MMS19: variants seen among roughly 807,000 people sequenced by gnomAD.
MMS19 encodes MMS19 cytosolic iron-sulfur assembly component, also known as MMS19 nucleotide excision repair protein homolog.
In MMS19, 77 loss-of-function variants were observed where a neutral mutation model predicts 129.8. The observed-to-expected ratio is 0.59, with a 90% CI of 0.49 to 0.72. The LOEUF (loss-of-function observed/expected upper bound fraction) is 0.72, where lower values mean the gene tolerates loss of function less well. MMS19 is among the 30% of genes least tolerant of loss of function. MMS19 has a pLI of 0.00. For synonymous variants in MMS19, 491 were observed against 502.8 expected, an observed-to-expected ratio of 0.98 and a Z score of 0.31; for missense variants, 1,168 against 1,266.3, an observed-to-expected ratio of 0.92 and a Z score of 1.18.
At chr10:97,491,922 C>A (rs1002911198) in intron 1 of MMS19, among the ~76,000 whole-genome samples, 1 of 151,092 alleles carries the variant, frequency 6.6e-6, no homozygotes, top group Non-Finnish European at 1.5e-5. Context: ...GGGTGGATCA[C>A]CTCAGGTCAG....
At chr10:97,461,363 G>C (rs959235373) in intron 23 of MMS19, 133 bp downstream of exon 23, 1 of 1,104,586 alleles carries the variant, frequency 9.1e-7, no homozygotes, top group Admixed American at 2.4e-5. Flanking sequence ...GCAGTCCCAG[G>C]ACAGTGCTTG....
At chr10:97,478,216 T>A (rs999254403) in intron 4 of MMS19, 88 bp downstream of exon 4, 3 of 1,049,966 alleles carry the variant, frequency 2.9e-6, no homozygotes, top group Non-Finnish European at 4.3e-6. Context: ...CTCCTCAGCA[T>A]GTGAACCATC....
intron 4 of MMS19, 73 bp downstream of exon 4, chr10:97,478,231 C>G: frequency 8.1e-7 from 1 of 1,240,220 alleles, no homozygotes. Flanking sequence ...ACCATCACAC[C>G]CAAAGCGCAA....
chr10:97,471,118 G>T (rs948246669), intron 8 of MMS19, among the ~76,000 whole-genome samples: 14 of 152,128 alleles, frequency 9.2e-5, no homozygotes, highest in Admixed American at 9.2e-4. Context: ...TTAACTTTCT[G>T]GTGTATTCCT....
In MMS19 at chr10:97,488,631, T is replaced by C. The variant is rs545140688; in HGVS notation, c.113-4480A>G. ...ATAATACTTAATACAATCTAAGTGC[T>C]ACGCAAATAGTTGTTACATTGTATT... On this transcript the variant is annotated intron_variant, in intron 1 of 30. Transcript: ENST00000438925. Among the ~76,000 whole-genome samples, 5 of 152,264 alleles carry C rather than the reference T, an allele frequency of 3.3e-5. No individual in the cohort carries two copies. In the South Asian group the frequency reaches 1.0e-3, roughly 31 times the overall value.
intron 12 of MMS19, 146 bp from the exon 13 acceptor site, chr10:97,468,552 G>A (rs1013105756): frequency 2.4e-5 from 18 of 735,760 alleles, no homozygotes; most frequent in South Asian, 4.6e-5. Context: ...TAGGGCTATC[G>A]CCCCCAAATC....
At chr10:97,458,759 C>T in intron 30 of MMS19, 40 bp from the exon 31 acceptor site, 1 of 1,613,224 alleles carries the variant, frequency 6.2e-7, no homozygotes, top group Non-Finnish European at 8.5e-7. Context: ...AGTGATGAGG[C>T]TCATCTTGGT....
chr10:97,486,918 A>T (rs1007562681), intron 1 of MMS19, among the ~76,000 whole-genome samples: 36 of 138,524 alleles, frequency 2.6e-4, no homozygotes, highest in African/African-American at 9.0e-4. Flanking sequence ...GCAAGTTGTG[A>T]AAAGGAGTAA....
intron 24 of MMS19, 67 bp downstream of exon 24, chr10:97,460,840 A>G: frequency 6.5e-7 from 1 of 1,531,992 alleles, no homozygotes; most frequent in Non-Finnish European, 8.9e-7. Context: ...AGGGTCAAAC[A>G]GGGACATTTT....
intron 27 of MMS19, 55 bp downstream of exon 27, chr10:97,459,604 A>G (rs2031092355): frequency 6.3e-7 from 1 of 1,599,568 alleles, no homozygotes; most frequent in East Asian, 2.2e-5. Context: ...TTCTAGCCCC[A>G]TCTGGGGAAG....
intron 18 of MMS19, 51 bp downstream of exon 18, chr10:97,465,754 C>A: frequency 6.4e-7 from 1 of 1,563,714 alleles, no homozygotes; most frequent in Non-Finnish European, 8.7e-7. Flanking sequence ...GCCTTAGAGA[C>A]TACAGCTCCC....
At chr10:97,485,296 T>G (rs1033223818) in intron 1 of MMS19, among the ~76,000 whole-genome samples, 2 of 151,808 alleles carry the variant, frequency 1.3e-5, no homozygotes, top group Non-Finnish European at 2.9e-5. Context: ...GCCTGGCTAA[T>G]TTTTGTATTT....
chr10:97,460,595 CAAAA>C (rs2031527965), intron 25 of MMS19, 96 bp downstream of exon 25: 1 of 1,049,714 alleles, frequency 9.5e-7, no homozygotes, highest in Non-Finnish European at 1.4e-6. Flanking sequence ...GAAAAGAAAA[CAAAA>C]AACACACAGG....
chr10:97,466,444 T>C, intron 16 of MMS19, 60 bp downstream of exon 16: 1 of 1,346,600 alleles, frequency 7.4e-7, no homozygotes, highest in South Asian at 1.2e-5. Context: ...AGCTTGATCT[T>C]TTGCTGCCAA....
intron 8 of MMS19, among the ~76,000 whole-genome samples, chr10:97,472,273 CTT>C (rs1564651957): frequency 6.6e-6 from 1 of 152,238 alleles, no homozygotes; most frequent in Non-Finnish European, 1.5e-5. Flanking sequence ...GAGTTTTGCT[CTT>C]GTTACACAAG....
chr10:97,470,140 G>A lies in MMS19; in HGVS notation c.835C>T (p.Leu279=). The A allele has an allele frequency of 6.2e-7, 1 of 1,608,252 alleles. No individual in the cohort carries two copies. The highest frequency in any genetic ancestry group is 1.1e-5 in the South Asian group (1 of 89,670). Residue 279 remains leucine (L), a synonymous_variant, in exon 10 of 31, where the codon CTA becomes TTA. Coordinates refer to ENST00000438925, the MANE Select transcript of MMS19 (RefSeq NM_022362.5). ...GAAAAATCACTCACCAGAGTCTGTA[G>A]AGAATCCAACTTGGCACTCAGAACC... ...SEVLSAKLDS[L]QTLNACCAVY...
chr10:97,461,760 G>A, intron 22 of MMS19, 68 bp downstream of exon 22: 1 of 1,558,586 alleles, frequency 6.4e-7, no homozygotes, highest in Non-Finnish European at 8.7e-7. Context: ...CTTAGCCTGT[G>A]GCAAATTTCA....
At chr10:97,492,686 TAAA>T (rs1159316265) in intron 1 of MMS19, among the ~76,000 whole-genome samples, 2 of 133,536 alleles carry the variant, frequency 1.5e-5, no homozygotes, top group Non-Finnish European at 1.6e-5. Context: ...CTGTTTCTAC[TAAA>T]AAAAAAAAAA....
rs2033539218 is a variant in MMS19, at chr10:97,466,551, C to G, written c.1458G>C (p.Val486=). The change falls in exon 16 of 31, where the codon GTG becomes GTC. Residue 486 remains valine (V), a synonymous_variant. Transcript: ENST00000438925. ...GGAAGCTCAGTCTGTACAGGTGACC[C>G]ACTGCCAGCTCCAAGTCCTCATAAG... ...LLSYEDLELA[V]GHLYRLSFLK... is the part of the protein sequence containing the mutation. The G allele has an allele frequency of 6.2e-7, 1 of 1,613,856 alleles. No individual in the cohort carries two copies. Among genetic ancestry groups the G allele is most frequent in the Non-Finnish European group, 8.5e-7 (1 of 1,179,782 alleles).
Sources: gnomAD v4.1 joint callset for allele counts (sites outside exome capture counted in the v4.1 genomes callset) on GRCh38, gnomAD v4.1.1 for gene constraint, MANE v1.5 for transcripts, NCBI Gene and HGNC (gene_info 2026-07-23, HGNC 2026-07-21) for gene names.